The following DPP6 variants were observed in gnomAD, a reference collection of about 807,000 sequenced individuals.
DPP6 encodes the protein A-type potassium channel modulatory protein DPP6.
DPP6 carries 69 observed loss-of-function variants against 122.6 expected under a neutral mutation model. The observed-to-expected ratio is 0.56, with a 90% CI of 0.46 to 0.69. The LOEUF (loss-of-function observed/expected upper bound fraction) is 0.69. Ranked by LOEUF, DPP6 falls within the 30% of genes least tolerant of loss-of-function variation. The pLI, the probability that DPP6 is intolerant of heterozygous loss-of-function variation, is 0.00. For synonymous variants in DPP6, 418 were observed against 433.1 expected, an observed-to-expected ratio of 0.97 and a Z score of 0.43; for missense variants, 928 against 1,116.9, an observed-to-expected ratio of 0.83 and a Z score of 2.41.
intron 7 of DPP6, among the ~76,000 whole-genome samples, chr7:154,710,971 T>C (rs1841142117): frequency 6.6e-6 from 1 of 152,214 alleles, no homozygotes; most frequent in Non-Finnish European, 1.5e-5. Flanking sequence ...TTCACTTTTA[T>C]TTACTACAGA....
chr7:154,630,492 G>C (rs71542527), intron 5 of DPP6, among the ~76,000 whole-genome samples: 2 of 152,172 alleles, frequency 1.3e-5, no homozygotes, highest in African/African-American at 4.8e-5. Context: ...GAAAGACCAG[G>C]TACATGGAAG....
chr7:154,772,732 C>T, intron 9 of DPP6, 113 bp from the exon 10 acceptor site: 1 of 1,415,270 alleles, frequency 7.1e-7, no homozygotes, highest in South Asian at 1.3e-5. Flanking sequence ...TAATATGGAG[C>T]TCCAGTGTCC....
Position 154,062,725 on chromosome 7 carries a change from T to C in DPP6, c.243+9662T>C, listed in dbSNP as rs1178616750. Among the ~76,000 whole-genome samples, 17 of 41,566 alleles carry C rather than the reference T, an allele frequency of 4.1e-4. 1 individual carries two copies. Among genetic ancestry groups the C allele is most frequent in the Middle Eastern group, 0.016 (1 of 64 alleles). 27.3% of individuals were successfully genotyped at this position (41,566 alleles called of 152,430 possible). ...CACCTGGCTGTTGGTACCCCCATCG[T>C]AGGGGGGGGGAGGCACCCTCCGCGA... On this transcript the variant is annotated intron_variant, in intron 1 of 25. Transcript: ENST00000377770.
chr7:154,304,800 C>T (rs1020741646), intron 1 of DPP6, among the ~76,000 whole-genome samples: 1 of 152,234 alleles, frequency 6.6e-6, no homozygotes, highest in Non-Finnish European at 1.5e-5. Context: ...CCTTCCTTCT[C>T]AAACACGCAT....
At chr7:154,166,408 A>G (rs984705204) in intron 1 of DPP6, among the ~76,000 whole-genome samples, 2 of 152,102 alleles carry the variant, frequency 1.3e-5, no homozygotes, top group African/African-American at 4.8e-5. Context: ...GCTGCAAGGG[A>G]GCATTGCGGG....
intron 7 of DPP6, among the ~76,000 whole-genome samples, chr7:154,700,920 C>G (rs1840487297): frequency 6.6e-6 from 1 of 152,180 alleles, no homozygotes; most frequent in South Asian, 2.1e-4. Flanking sequence ...CAGAGACCTT[C>G]CCATCAGACA....
At chr7:154,079,779 T>G (rs529257587) in intron 1 of DPP6, among the ~76,000 whole-genome samples, 2 of 152,136 alleles carry the variant, frequency 1.3e-5, no homozygotes, top group African/African-American at 4.8e-5. Flanking sequence ...AGATGGACCC[T>G]TCGATGTTCC....
chr7:154,411,120 G>T (rs1447057302), intron 1 of DPP6, among the ~76,000 whole-genome samples: 1 of 152,170 alleles, frequency 6.6e-6, no homozygotes, highest in Admixed American at 6.5e-5. Context: ...TCTTTATAAA[G>T]AAAAGACTCT....
intron 3 of DPP6, among the ~76,000 whole-genome samples, chr7:154,524,282 ATTATTCT>A (rs1208666606): frequency 2.6e-5 from 4 of 152,212 alleles, no homozygotes; most frequent in African/African-American, 9.7e-5. Flanking sequence ...CACCGATAGC[ATTATTCT>A]TTTGGTGTTT....
chr7:154,873,915 C>T (rs552600939), intron 19 of DPP6, among the ~76,000 whole-genome samples: 35 of 151,022 alleles, frequency 2.3e-4, no homozygotes, highest in Non-Finnish European at 4.4e-4. Flanking sequence ...CATAGGCACA[C>T]ACACATGCAC....
At chr7:154,440,963 C>T (rs1819325060) in intron 1 of DPP6, among the ~76,000 whole-genome samples, 1 of 152,194 alleles carries the variant, frequency 6.6e-6, no homozygotes. Context: ...AAATCATCCT[C>T]CAATCTCACT....
intron 1 of DPP6, among the ~76,000 whole-genome samples, chr7:154,316,991 G>A (rs954794268): frequency 6.6e-6 from 1 of 152,150 alleles, no homozygotes; most frequent in African/African-American, 2.4e-5. Context: ...AGCTGTGACT[G>A]TTACCAGTAT....
chr7:154,411,051 A>G (rs286845), intron 1 of DPP6, among the ~76,000 whole-genome samples: 22,691 of 152,202 alleles, frequency 0.15, 1,728 homozygotes, highest in South Asian at 0.17. Flanking sequence ...CTAGGATTGT[A>G]TATTCCCTTG....
chr7:154,305,288 G>C, intron 1 of DPP6: 4 of 1,312,060 alleles, frequency 3.0e-6, no homozygotes, highest in Non-Finnish European at 3.9e-6. Context: ...TTCCTGCTTC[G>C]GATCCTCTCT....
intron 1 of DPP6, among the ~76,000 whole-genome samples, chr7:154,200,812 G>C (rs934032253): frequency 1.3e-5 from 2 of 152,134 alleles, no homozygotes; most frequent in African/African-American, 4.8e-5. Flanking sequence ...AGTTAGCCCC[G>C]CCTGGACACC....
rs201387713 is a variant in DPP6 at position 153,895,727 on chromosome 7, T to TGC, written c.51+7994_51+7995dup. The stretch of plus-strand genomic sequence containing the variant: ...CACCATATACATGCATGTGCATGCG[T>TGC]GCACACACACACACACACACACACA... On this transcript the variant is annotated intron_variant, in intron 1 of 25. Transcript: ENST00000404039. 9.7e-3 allele frequency among the ~76,000 whole-genome samples: 755 copies of TGC among 78,210 alleles called. 6 individuals carry two copies. The highest frequency in any genetic ancestry group is 0.017 in the Middle Eastern group (2 of 118). 51.3% of individuals were successfully genotyped at this position (78,210 alleles called of 152,430 possible).
intron 10 of DPP6, among the ~76,000 whole-genome samples, chr7:154,773,771 C>G (rs1014329378): frequency 6.6e-6 from 1 of 152,146 alleles, no homozygotes; most frequent in African/African-American, 2.4e-5. Context: ...CTTTATTATT[C>G]CATTCAAAGC....
chr7:154,393,481 G>A (rs1037510076), intron 1 of DPP6, among the ~76,000 whole-genome samples: 7 of 151,746 alleles, frequency 4.6e-5, no homozygotes, highest in Non-Finnish European at 1.0e-4. Context: ...GTTTTTCTGG[G>A]ACTTGGGACT....
intron 1 of DPP6, among the ~76,000 whole-genome samples, chr7:154,142,517 A>G (rs1795897962): frequency 6.6e-6 from 1 of 152,156 alleles, no homozygotes. Flanking sequence ...GCTACAAAAT[A>G]TCAAACCATT....
Sources: gnomAD v4.1 joint callset for allele counts (sites outside exome capture counted in the v4.1 genomes callset) on GRCh38, gnomAD v4.1.1 for gene constraint, MANE v1.5 for transcripts, NCBI Gene and HGNC (gene_info 2026-07-23, HGNC 2026-07-21) for gene names.